UGGT2: variants seen among roughly 807,000 people sequenced by gnomAD.
The protein encoded by UGGT2 is UDP-glucose:glycoprotein glucosyltransferase 2.
Under a neutral mutation model 192.1 loss-of-function variants are expected in UGGT2, and 180 were observed. The observed-to-expected ratio is 0.94, with a 90% CI of 0.83 to 1.06. The LOEUF (loss-of-function observed/expected upper bound fraction) is 1.06. Among genes scored for constraint, UGGT2 ranks in the 50% least tolerant of loss-of-function variants. The pLI is 0.00. For missense variants in UGGT2, 1,849 were observed against 1,795.7 expected (o/e 1.03, Z -0.54); for synonymous variants, 580 against 591.0 (o/e 0.98, Z 0.27).
chr13:95,927,384 A>G, intron 17 of UGGT2, 48 bp from the exon 18 acceptor site: 1 of 1,496,392 alleles, frequency 6.7e-7, no homozygotes, highest in Non-Finnish European at 9.0e-7. Context: ...ATTTATATCC[A>G]TGTTTCAAAA....
Position 95,884,568 on chromosome 13 carries a change from T to C in UGGT2, c.3151A>G (p.Asn1051Asp), listed in dbSNP as rs2047590455. Residue 1051 changes from asparagine (N) to aspartate (D), a missense_variant, in exon 27 of 39, where the codon AAC becomes GAC. By Grantham distance (23) the Asn-to-Asp change is conservative. Coordinates refer to ENST00000376747, the MANE Select transcript of UGGT2 (RefSeq NM_020121.4). The part of the protein sequence containing the change: ...DIPESPLLIL[N>D]MITPEGWLVE... ...AACCAGCCTTCTGGAGTAATCATGT[T>C]GAGGATTAGGAGGGGTGATTCAGGA... is the stretch of plus-strand genomic sequence containing the variant. 1 of 1,613,980 alleles carries C rather than the reference T, an allele frequency of 6.2e-7. No homozygotes were observed.
At chr13:95,899,032 C>T (rs1275351102) in intron 22 of UGGT2, among the ~76,000 whole-genome samples, 1 of 152,134 alleles carries the variant, frequency 6.6e-6, no homozygotes, top group Non-Finnish European at 1.5e-5. Context: ...GATTAAGCCA[C>T]GAGGGCTCTG....
At chr13:96,018,508 C>T (rs918205870) in intron 4 of UGGT2, among the ~76,000 whole-genome samples, 2 of 151,838 alleles carry the variant, frequency 1.3e-5, no homozygotes, top group Non-Finnish European at 2.9e-5. Context: ...AGAGTGAGAC[C>T]TTGTCTCAAA....
In UGGT2 at chr13:95,951,585, G is replaced by C. The variant is rs142928790; in HGVS notation, c.1336-2131C>G. 5.3e-5 allele frequency among the ~76,000 whole-genome samples: 8 copies of C among 152,320 alleles called. No homozygotes were observed. In the East Asian group the frequency reaches 1.5e-3, roughly 29 times the overall value. On this transcript the variant is annotated intron_variant, in intron 12 of 38. Transcript: ENST00000376747. ...TCCTGACTAAAAGCAAGTGTGCCTAGACAGACAAAATGAGACTCTCAACTA... is the reference window on the plus strand; with the variant it reads ...TCCTGACTAAAAGCAAGTGTGCCTACACAGACAAAATGAGACTCTCAACTA...
intron 20 of UGGT2, among the ~76,000 whole-genome samples, chr13:95,921,413 G>T (rs963980716): frequency 2.0e-5 from 3 of 151,814 alleles, no homozygotes; most frequent in Non-Finnish European, 4.4e-5. Flanking sequence ...CCAGATAGTG[G>T]ATAGGAAGCA....
chr13:96,023,828 T>C (rs2139122509), intron 2 of UGGT2, 69 bp from the exon 3 acceptor site: 1 of 1,292,078 alleles, frequency 7.7e-7, no homozygotes, highest in South Asian at 1.7e-5. Context: ...CATCTTCCAC[T>C]GTAAGGCTAA....
chr13:96,023,599 G>A (rs1461911337), intron 3 of UGGT2, 30 bp downstream of exon 3: 13 of 1,591,662 alleles, frequency 8.2e-6, no homozygotes, highest in African/African-American at 1.3e-5. Context: ...GTGCCTCTTT[G>A]TCAAATACAG....
At chr13:95,923,901 T>G (rs529693727) in intron 20 of UGGT2, among the ~76,000 whole-genome samples, 2 of 152,170 alleles carry the variant, frequency 1.3e-5, no homozygotes, top group African/African-American at 4.8e-5. Flanking sequence ...AGTCTTTGAT[T>G]TTATGTACTT....
chr13:95,985,436 AAAG>A, intron 9 of UGGT2: 1 of 320,494 alleles, frequency 3.1e-6, no homozygotes, highest in Non-Finnish European at 5.8e-6. Flanking sequence ...TTTCAAAATT[AAAG>A]AATACATATA....
At chr13:96,005,236 G>A in intron 5 of UGGT2, among the ~76,000 whole-genome samples, 1 of 152,170 alleles carries the variant, frequency 6.6e-6, no homozygotes, top group Middle Eastern at 3.2e-3. Flanking sequence ...CTGTGGGAAG[G>A]TGAACATTTG....
chr13:95,961,021 C>T (rs933703666), intron 12 of UGGT2, among the ~76,000 whole-genome samples: 1 of 152,112 alleles, frequency 6.6e-6, no homozygotes, highest in Admixed American at 6.5e-5. Flanking sequence ...ACCAGCCCTG[C>T]AAGAAATGCT....
chr13:96,003,468 G>A (rs928497206), intron 5 of UGGT2, among the ~76,000 whole-genome samples: 1 of 152,114 alleles, frequency 6.6e-6, no homozygotes, highest in Non-Finnish European at 1.5e-5. Flanking sequence ...CTTCTCACCA[G>A]GAAATTGAGT....
chr13:95,943,043 AT>A (rs1215960499), intron 15 of UGGT2, among the ~76,000 whole-genome samples: 4 of 152,094 alleles, frequency 2.6e-5, no homozygotes, highest in Non-Finnish European at 4.4e-5. Context: ...TCACTTCTGT[AT>A]TCTTAAGTTT....
chr13:96,026,574 GT>G (rs1450681911), intron 2 of UGGT2, among the ~76,000 whole-genome samples: 1 of 148,798 alleles, frequency 6.7e-6, no homozygotes, highest in East Asian at 2.0e-4. Context: ...TTATAAATAA[GT>G]TTCTTCATTC....
intron 27 of UGGT2, among the ~76,000 whole-genome samples, chr13:95,881,342 T>C (rs2047489153): frequency 6.6e-6 from 1 of 152,186 alleles, no homozygotes. Flanking sequence ...TTCAAGTTTG[T>C]TAAGGTTTTG....
At chr13:95,838,525 A>G (rs1357232990) in intron 36 of UGGT2, among the ~76,000 whole-genome samples, 2 of 152,314 alleles carry the variant, frequency 1.3e-5, no homozygotes, top group South Asian at 4.1e-4. Flanking sequence ...GAGGGCTGAC[A>G]CTACCACACT....
intron 22 of UGGT2, 108 bp from the exon 23 acceptor site, chr13:95,895,412 G>C: frequency 3.0e-6 from 2 of 676,514 alleles, no homozygotes; most frequent in Non-Finnish European, 4.4e-6. Flanking sequence ...AAATGAATTA[G>C]AGATTAAAGA....
intron 12 of UGGT2, among the ~76,000 whole-genome samples, chr13:95,955,061 A>C (rs544404551): frequency 6.6e-6 from 1 of 152,356 alleles, no homozygotes; most frequent in South Asian, 2.1e-4. Context: ...ATTACTTAAG[A>C]AATGTGAACT....
intron 1 of UGGT2, among the ~76,000 whole-genome samples, chr13:96,036,912 G>A (rs1269032350): frequency 6.6e-6 from 1 of 152,068 alleles, no homozygotes; most frequent in African/African-American, 2.4e-5. Flanking sequence ...ATGCCACCAT[G>A]CCCAGTTCAC....
Sources: gnomAD v4.1 joint callset for allele counts (sites outside exome capture counted in the v4.1 genomes callset) on GRCh38, gnomAD v4.1.1 for gene constraint, MANE v1.5 for transcripts, NCBI Gene and HGNC (gene_info 2026-07-23, HGNC 2026-07-21) for gene names.